Variants in CCDC30 observed in about 807,000 individuals in gnomAD.
CCDC30 encodes the protein coiled-coil domain containing 30, also known as coiled-coil domain-containing protein 30.
A neutral mutation model predicts 100.2 loss-of-function variants in CCDC30; 70 were observed. That is an observed-to-expected ratio of 0.70 (90% CI 0.58 to 0.85). The LOEUF is 0.85. Among genes scored for constraint, CCDC30 ranks in the 40% least tolerant of loss-of-function variants. CCDC30 has a pLI of 0.00. For missense variants in CCDC30, 652 were observed against 771.2 expected (o/e 0.85, Z 1.83); for synonymous variants, 233 against 269.5 (o/e 0.86, Z 1.33).
intron 6 of CCDC30, among the ~76,000 whole-genome samples, chr1:42,520,922 C>T (rs1186225437): frequency 1.3e-5 from 2 of 151,198 alleles, no homozygotes; most frequent in Non-Finnish European, 2.9e-5. Flanking sequence ...GCTGGGATTA[C>T]AGGCGTGAGC....
At chr1:42,500,319 C>G in intron 6 of CCDC30, 1 of 1,609,070 alleles carries the variant, frequency 6.2e-7, no homozygotes, top group Non-Finnish European at 8.5e-7. Flanking sequence ...CCATCTCAGC[C>G]ATATCGGGTT....
At chr1:42,507,863 T>C (rs1644419076) in intron 6 of CCDC30, among the ~76,000 whole-genome samples, 1 of 150,186 alleles carries the variant, frequency 6.7e-6, no homozygotes, top group Non-Finnish European at 1.5e-5. Context: ...CCTGTTTATA[T>C]TGATAACACT....
At chr1:42,510,030 A>G in intron 6 of CCDC30, 1 of 977,046 alleles carries the variant, frequency 1.0e-6, no homozygotes, top group Non-Finnish European at 1.2e-6. Context: ...AAAAGGAAGG[A>G]AAAATACCAT....
intron 1 of CCDC30, among the ~76,000 whole-genome samples, chr1:42,467,417 A>T (rs1324159950): frequency 6.6e-6 from 1 of 152,208 alleles, no homozygotes; most frequent in Non-Finnish European, 1.5e-5. Flanking sequence ...GAAAATGATG[A>T]AAGAAGTACT....
At chr1:42,548,387 G>A (rs910869627) in intron 6 of CCDC30, among the ~76,000 whole-genome samples, 1 of 152,202 alleles carries the variant, frequency 6.6e-6, no homozygotes, top group Non-Finnish European at 1.5e-5. Context: ...TTTGCCATGT[G>A]AGTGCAGTGG....
At chr1:42,597,857 T>A (rs1033531692) in intron 10 of CCDC30, among the ~76,000 whole-genome samples, 1 of 144,974 alleles carries the variant, frequency 6.9e-6, no homozygotes, top group African/African-American at 2.6e-5. Context: ...AAAGCAAGAA[T>A]CTGCCTTAAA....
chr1:42,564,683 C>CT (rs1001381044), intron 6 of CCDC30, among the ~76,000 whole-genome samples: 1 of 152,178 alleles, frequency 6.6e-6, no homozygotes, highest in African/African-American at 2.4e-5. Context: ...ATCTCACATA[C>CT]TTTTTTGTGG....
chr1:42,620,581 G>A (rs1270570669), intron 11 of CCDC30, among the ~76,000 whole-genome samples: 14 of 127,754 alleles, frequency 1.1e-4, no homozygotes, highest in Non-Finnish European at 9.9e-5. Flanking sequence ...AATATGAGGG[G>A]CAAAAAAAAA....
At chr1:42,568,674 C>A (rs1354689913) in intron 7 of CCDC30, among the ~76,000 whole-genome samples, 1 of 151,734 alleles carries the variant, frequency 6.6e-6, no homozygotes, top group Non-Finnish European at 1.5e-5. Flanking sequence ...CACCTATAAT[C>A]GTAGCACTTT....
At chr1:42,524,652 G>C (rs1019321454) in intron 6 of CCDC30, among the ~76,000 whole-genome samples, 1 of 152,142 alleles carries the variant, frequency 6.6e-6, no homozygotes, top group Non-Finnish European at 1.5e-5. Context: ...ACTCCCACAC[G>C]TTGCATGCAA....
chr1:42,636,873 G>A (rs1647166885), intron 11 of CCDC30, among the ~76,000 whole-genome samples: 1 of 145,846 alleles, frequency 6.9e-6, no homozygotes, highest in African/African-American at 2.6e-5. Flanking sequence ...GGCTGAAGCA[G>A]GAGAATCGCT....
At chr1:42,638,913 A>C (rs950606339) in intron 12 of CCDC30, among the ~76,000 whole-genome samples, 4 of 151,992 alleles carry the variant, frequency 2.6e-5, no homozygotes, top group Admixed American at 6.6e-5. Context: ...AAGAGAAAGA[A>C]AGGAAAAAAA....
At chr1:42,513,331 T>C (rs1005311035) in intron 6 of CCDC30, among the ~76,000 whole-genome samples, 5 of 152,218 alleles carry the variant, frequency 3.3e-5, no homozygotes, top group African/African-American at 1.2e-4. Flanking sequence ...CTGATTTATG[T>C]AGGGCCAACA....
At chr1:42,534,228 G>A (rs11210662) in intron 6 of CCDC30, among the ~76,000 whole-genome samples, 30,662 of 151,620 alleles carry the variant, frequency 0.2, 3,380 homozygotes, top group South Asian at 0.42. Context: ...ATGAGGGGGG[G>A]GGTTCATATT....
intron 12 of CCDC30, 128 bp from the exon 17 acceptor site, chr1:42,642,345 C>A (rs972431902): frequency 1.4e-6 from 1 of 695,550 alleles, no homozygotes; most frequent in African/African-American, 1.8e-5. Context: ...CAGATAGAAA[C>A]AGACTAGGGG....
chr1:42,630,540 A>T (rs1355680484), intron 11 of CCDC30, among the ~76,000 whole-genome samples: 1 of 150,800 alleles, frequency 6.6e-6, no homozygotes, highest in Non-Finnish European at 1.5e-5. Flanking sequence ...GTGCCACCAC[A>T]CCTAGCTATT....
chr1:42,540,688 C>G (rs1644996137), intron 6 of CCDC30, among the ~76,000 whole-genome samples: 1 of 151,842 alleles, frequency 6.6e-6, no homozygotes. Flanking sequence ...CACACACACA[C>G]ACACAGTTTT....
At chr1:42,637,140 A>C in intron 11 of CCDC30, 97 bp from the exon 16 acceptor site, 1 of 947,416 alleles carries the variant, frequency 1.1e-6, no homozygotes, top group Non-Finnish European at 1.6e-6. Context: ...TCCCTGACTT[A>C]AGCAAGAAGA....
intron 10 of CCDC30, among the ~76,000 whole-genome samples, chr1:42,602,589 A>C (rs1646425904): frequency 6.6e-6 from 1 of 152,248 alleles, no homozygotes; most frequent in African/African-American, 2.4e-5. Flanking sequence ...GCCAAAATTC[A>C]CACAAGAAGA....
Sources: allele counts gnomAD v4.1 joint callset (sites outside exome capture counted in the v4.1 genomes callset), GRCh38; gene constraint gnomAD v4.1.1; transcripts MANE v1.5; gene names NCBI Gene and HGNC (gene_info 2026-07-23, HGNC 2026-07-21).